LEMD3: variants seen among roughly 807,000 people sequenced by gnomAD.
LEMD3 encodes the protein inner nuclear membrane protein Man1.
In LEMD3, 33 loss-of-function variants were observed where a neutral mutation model predicts 95.2. That is an observed-to-expected ratio of 0.35 (90% CI 0.26 to 0.46). The LOEUF (loss-of-function observed/expected upper bound fraction) is 0.46. LEMD3 is among the 20% of genes least tolerant of loss of function. The pLI is 1.00. For missense variants in LEMD3, 1,210 were observed against 1,192.8 expected (o/e 1.01, Z -0.21); for synonymous variants, 525 against 474.6 (o/e 1.11, Z -1.38).
chr12:65,222,606 A>C (rs1219791945), intron 4 of LEMD3, among the ~76,000 whole-genome samples: 1 of 152,128 alleles, frequency 6.6e-6, no homozygotes, highest in Non-Finnish European at 1.5e-5. Flanking sequence ...TCAAAAAATC[A>C]ACTCTCAGTT....
intron 4 of LEMD3, among the ~76,000 whole-genome samples, chr12:65,233,453 A>G (rs1365267001): frequency 6.6e-6 from 1 of 152,168 alleles, no homozygotes; most frequent in Non-Finnish European, 1.5e-5. Flanking sequence ...TCTAAAGACT[A>G]TGTTTTTTTC....
chr12:65,176,397 A>T (rs748728702), intron 1 of LEMD3, among the ~76,000 whole-genome samples: 13 of 152,024 alleles, frequency 8.6e-5, no homozygotes, highest in Non-Finnish European at 1.0e-4. Context: ...CTTTTTTGGG[A>T]ATGTTTCTTT....
chr12:65,234,397 G>C (rs886738772), intron 4 of LEMD3, among the ~76,000 whole-genome samples: 2 of 152,138 alleles, frequency 1.3e-5, no homozygotes, highest in Non-Finnish European at 1.5e-5. Flanking sequence ...TCAGGTATAT[G>C]CTATGTATGC....
intron 6 of LEMD3, 112 bp from the exon 7 acceptor site, chr12:65,239,817 C>G: frequency 1.4e-6 from 1 of 698,832 alleles, no homozygotes; most frequent in South Asian, 1.8e-5. Context: ...ATAGCTAATT[C>G]AGCCATCTGT....
At chr12:65,238,428 G>A (rs1449473687) in intron 4 of LEMD3, 74 bp from the exon 5 acceptor site, 6 of 858,808 alleles carry the variant, frequency 7.0e-6, no homozygotes, top group Non-Finnish European at 1.2e-5. Flanking sequence ...TATATAGAGT[G>A]TGTTATAAAG....
chr12:65,224,864 T>A (rs139984284), intron 4 of LEMD3, among the ~76,000 whole-genome samples: 3 of 152,242 alleles, frequency 2.0e-5, no homozygotes, highest in African/African-American at 7.2e-5. Context: ...GAAACTTCCA[T>A]ATTACTTATA....
At chr12:65,218,508 AAG>A in intron 3 of LEMD3, 42 bp from the exon 4 acceptor site, 1 of 1,178,990 alleles carries the variant, frequency 8.5e-7, no homozygotes, top group Non-Finnish European at 1.3e-6. Flanking sequence ...TCTTCTGTTT[AAG>A]AGAGTACTGA....
At chr12:65,183,450 T>A (rs1013411172) in intron 1 of LEMD3, among the ~76,000 whole-genome samples, 3 of 152,186 alleles carry the variant, frequency 2.0e-5, no homozygotes, top group African/African-American at 7.2e-5. Flanking sequence ...TGAGACCTAA[T>A]GACAGTCAAG....
At chr12:65,173,761 C>G (rs1868627423) in intron 1 of LEMD3, among the ~76,000 whole-genome samples, 1 of 151,886 alleles carries the variant, frequency 6.6e-6, no homozygotes, top group Admixed American at 6.6e-5. Flanking sequence ...GATTTTTATC[C>G]CATTAAATAT....
Position 65,171,197 on chromosome 12 carries a change from A to G in LEMD3, c.1522+79A>G, listed in dbSNP as rs1338893409. The stretch of plus-strand genomic sequence containing the variant: ...GCTTTAGCCGCGCTTAGCGTTTTAC[A>G]TGAAGTGACTTACCTGCAAGAATAT... On this transcript the variant is annotated intron_variant, in intron 1 of 12. Transcript: ENST00000308330. 10 of 1,592,972 alleles carry G rather than the reference A, an allele frequency of 6.3e-6. 1 individual carries two copies. The East Asian group carries it at 1.6e-4, about 25-fold the overall frequency.
intron 1 of LEMD3, among the ~76,000 whole-genome samples, chr12:65,180,233 A>AC (rs1377454233): frequency 6.6e-6 from 1 of 152,092 alleles, no homozygotes; most frequent in African/African-American, 2.4e-5. Context: ...GGTGTGCGCC[A>AC]CCGTGCCCTG....
Position 65,216,124 on chromosome 12 carries a change from A to G in LEMD3, c.1627+81A>G. On this transcript the variant is annotated intron_variant, in intron 3 of 12. Transcript: ENST00000308330. ...TGTTATTAGTAGAAAATATTTTTCC[A>G]AGTCCAGTGTTATATTTGTGAAATA... 3.3e-6 allele frequency: 3 copies of G among 896,116 alleles called. No homozygotes were observed. In the Admixed American group the frequency reaches 5.5e-5, roughly 17 times the overall value. The allele number at this position is 896,116 out of a possible 1,614,324, so 55.5% of individuals were successfully genotyped here.
intron 1 of LEMD3, among the ~76,000 whole-genome samples, chr12:65,185,506 A>G (rs1351631853): frequency 6.6e-6 from 1 of 152,088 alleles, no homozygotes; most frequent in Non-Finnish European, 1.5e-5. Context: ...TGCTGTGATT[A>G]AAATATAAAA....
At chr12:65,171,978 A>G (rs1217672273) in intron 1 of LEMD3, 1 of 152,196 alleles carries the variant, frequency 6.6e-6, no homozygotes, top group Non-Finnish European at 1.5e-5. Flanking sequence ...GGTGTACACT[A>G]CTTTAGATTG....
chr12:65,171,395 A>G (rs1868547209), intron 1 of LEMD3: 1 of 432,598 alleles, frequency 2.3e-6, no homozygotes, highest in Admixed American at 3.6e-5. Flanking sequence ...TCATTTGTAT[A>G]TGTGACAATT....
At chr12:65,219,395 A>G (rs1303416432) in intron 4 of LEMD3, among the ~76,000 whole-genome samples, 1 of 152,220 alleles carries the variant, frequency 6.6e-6, no homozygotes. Flanking sequence ...GGAAAGTGGC[A>G]TTTGAAAACC....
chr12:65,210,847 TG>T, intron 1 of LEMD3, 78 bp from the exon 2 acceptor site: 1 of 1,053,042 alleles, frequency 9.5e-7, no homozygotes, highest in Non-Finnish European at 1.5e-6. Flanking sequence ...AAGTACATGC[TG>T]GCATTTCAGA....
At chr12:65,220,118 C>G (rs924459330) in intron 4 of LEMD3, among the ~76,000 whole-genome samples, 1 of 152,098 alleles carries the variant, frequency 6.6e-6, no homozygotes, top group Admixed American at 6.5e-5. Context: ...TTTTGAGGAA[C>G]CTCCATACTG....
intron 1 of LEMD3, among the ~76,000 whole-genome samples, chr12:65,195,096 C>T (rs1042791033): frequency 6.6e-5 from 10 of 151,886 alleles, no homozygotes; most frequent in Admixed American, 2.6e-4. Context: ...TGGTTTCATT[C>T]TTGGGTTCTG....
Sources: allele counts gnomAD v4.1 joint callset (sites outside exome capture counted in the v4.1 genomes callset), GRCh38; gene constraint gnomAD v4.1.1; transcripts MANE v1.5; gene names NCBI Gene and HGNC (gene_info 2026-07-23, HGNC 2026-07-21).